The following LDAH variants were observed in gnomAD, a reference collection of about 807,000 sequenced individuals.
LDAH encodes the protein lipid droplet-associated hydrolase.
LDAH carries 26 observed loss-of-function variants against 29.6 expected under a neutral mutation model. The ratio of observed to expected loss-of-function variants is 0.88; its 90% CI spans 0.64 to 1.22. The LOEUF is 1.22. LDAH is among the 50% of genes most tolerant of loss of function. LDAH has a pLI of 0.00. For synonymous variants in LDAH, 117 were observed against 133.0 expected (o/e 0.88, Z 0.83); for missense variants, 344 against 387.3 (o/e 0.89, Z 0.94).
chr2:20,710,621 G>T (rs61645533), intron 5 of LDAH, among the ~76,000 whole-genome samples: 21,832 of 117,780 alleles, frequency 0.19, 2,138 homozygotes, highest in East Asian at 0.29. Context: ...TATATATATA[G>T]ATATATATAT....
At chr2:20,766,114 C>T (rs181673232) in intron 4 of LDAH, among the ~76,000 whole-genome samples, 5 of 151,262 alleles carry the variant, frequency 3.3e-5, no homozygotes, top group East Asian at 3.9e-4. Context: ...GATATACATT[C>T]GACATTATAA....
intron 4 of LDAH, among the ~76,000 whole-genome samples, chr2:20,752,904 T>A (rs1235898099): frequency 6.6e-6 from 1 of 152,170 alleles, no homozygotes; most frequent in Admixed American, 6.5e-5. Flanking sequence ...TTCACCAAGT[T>A]GACAGTTACA....
chr2:20,813,848 T>C (rs1276454144), intron 1 of LDAH, among the ~76,000 whole-genome samples: 1 of 152,206 alleles, frequency 6.6e-6, no homozygotes, highest in African/African-American at 2.4e-5. Context: ...GTTAGCTTTT[T>C]AGACTATCTT....
At position 20,716,720 on chromosome 2, in the gene LDAH, G is replaced by GTATATATATATA. The variant is rs1362301507; in HGVS notation, c.704-15069_704-15068insTATATATATATA. ...GTGTAGATGTACCCTAGAACTTTAA[G>GTATATATATATA]TATATATACATATATATATATATAT... On this transcript the variant is annotated intron_variant, in intron 5 of 6. Coordinates refer to ENST00000237822, the MANE Select transcript of LDAH (RefSeq NM_021925.4). 5.0e-4 allele frequency among the ~76,000 whole-genome samples: 66 copies of GTATATATATATA among 131,262 alleles called. 3 individuals are homozygous for GTATATATATATA. The highest frequency in any genetic ancestry group is 1.2e-3 in the East Asian group (5 of 4,222). The allele number at this position is 131,262 out of a possible 152,430, so 86.1% of individuals were successfully genotyped here. A position where few individuals can be genotyped will look rare whatever the true frequency, so the allele number is the denominator to read the frequency against.
chr2:20,822,840 A>T (rs903203227), intron 1 of LDAH, among the ~76,000 whole-genome samples, 197 bp downstream of exon 1: 2 of 152,212 alleles, frequency 1.3e-5, no homozygotes, highest in Admixed American at 6.5e-5. Flanking sequence ...CCTGCAACTC[A>T]AGGGACTCCC....
chr2:20,752,387 T>C (rs1287273736), intron 4 of LDAH, among the ~76,000 whole-genome samples: 1 of 152,110 alleles, frequency 6.6e-6, no homozygotes, highest in Non-Finnish European at 1.5e-5. Flanking sequence ...GAAGGGAACA[T>C]GACAGAAATA....
intron 3 of LDAH, among the ~76,000 whole-genome samples, chr2:20,785,945 T>C (rs1670518267): frequency 6.6e-6 from 1 of 152,240 alleles, no homozygotes; most frequent in Non-Finnish European, 1.5e-5. Flanking sequence ...GTTCTCAACG[T>C]AGTAATCATG....
At chr2:20,709,929 C>T (rs1664588967) in intron 5 of LDAH, among the ~76,000 whole-genome samples, 1 of 152,036 alleles carries the variant, frequency 6.6e-6, no homozygotes, top group African/African-American at 2.4e-5. Context: ...TGGGACAGGG[C>T]CAAAGCAGTA....
At chr2:20,746,999 T>C (rs1164821896) in intron 4 of LDAH, among the ~76,000 whole-genome samples, 5 of 152,162 alleles carry the variant, frequency 3.3e-5, no homozygotes, top group Admixed American at 6.6e-5. Context: ...GAAAGTATTT[T>C]GATGCTTATT....
intron 2 of LDAH, among the ~76,000 whole-genome samples, chr2:20,791,988 AT>A (rs937163618): frequency 1.3e-5 from 2 of 150,468 alleles, no homozygotes; most frequent in East Asian, 3.9e-4. Flanking sequence ...TAATTACTAC[AT>A]TTTTTTTTAA....
At position 20,747,969 on chromosome 2, in the gene LDAH, G is replaced by A. The variant is rs149269336; in HGVS notation, c.469-7764C>T. ...ACCTTTATATATACTATATATTTAC[G>A]TACAAAATAAGTTATTTGTAATTGT... On this transcript the variant is annotated intron_variant, in intron 4 of 6. Coordinates refer to ENST00000237822, the MANE Select transcript of LDAH (RefSeq NM_021925.4). 7.2e-5 allele frequency among the ~76,000 whole-genome samples: 11 copies of A among 152,078 alleles called. No homozygotes were observed. In the South Asian group the frequency reaches 1.0e-3, roughly 14 times the overall value.
intron 2 of LDAH, among the ~76,000 whole-genome samples, chr2:20,800,611 ATTTTTATT>A (rs1412969413): frequency 6.6e-6 from 1 of 151,950 alleles, no homozygotes; most frequent in Admixed American, 6.6e-5. Context: ...CTAATTTTTA[ATTTTTATT>A]TTTTTATTTT....
intron 3 of LDAH, 61 bp from the exon 4 acceptor site, chr2:20,775,040 A>G: frequency 1.4e-6 from 2 of 1,409,976 alleles, no homozygotes; most frequent in Non-Finnish European, 1.9e-6. Flanking sequence ...AAAAAGATCA[A>G]GAAAAAGATA....
intron 5 of LDAH, among the ~76,000 whole-genome samples, chr2:20,710,381 A>G (rs1434379219): frequency 6.6e-6 from 1 of 152,008 alleles, no homozygotes. Flanking sequence ...AGCTTACTCA[A>G]AAAGAAACAG....
chr2:20,731,118 T>A (rs1666370187), intron 5 of LDAH, among the ~76,000 whole-genome samples: 1 of 152,230 alleles, frequency 6.6e-6, no homozygotes, highest in South Asian at 2.1e-4. Flanking sequence ...ATGTTTAATA[T>A]GCATATCAAT....
chr2:20,711,338 T>C (rs746785155), intron 5 of LDAH, among the ~76,000 whole-genome samples: 1 of 151,252 alleles, frequency 6.6e-6, no homozygotes, highest in Non-Finnish European at 1.5e-5. Context: ...TGGGCCGAGA[T>C]TGCGCCACTG....
At chr2:20,811,163 G>A (rs866669791) in intron 1 of LDAH, among the ~76,000 whole-genome samples, 21 of 151,690 alleles carry the variant, frequency 1.4e-4, no homozygotes, top group African/African-American at 4.6e-4. Context: ...GACTACAGGC[G>A]CCCGCCACCA....
At chr2:20,801,642 C>T (rs569445315) in intron 1 of LDAH, among the ~76,000 whole-genome samples, 177 bp from the exon 2 acceptor site, 4 of 152,202 alleles carry the variant, frequency 2.6e-5, no homozygotes, top group South Asian at 2.1e-4. Flanking sequence ...TTGCAAGACA[C>T]GTAAAACAAG....
chr2:20,775,151 G>A (rs1669719792), intron 3 of LDAH, among the ~76,000 whole-genome samples, 172 bp from the exon 4 acceptor site: 1 of 152,080 alleles, frequency 6.6e-6, no homozygotes, highest in Non-Finnish European at 1.5e-5. Flanking sequence ...CAACAATTTT[G>A]GGAAGGAAAC....
Sources: gnomAD v4.1 joint callset for allele counts (sites outside exome capture counted in the v4.1 genomes callset) on GRCh38, gnomAD v4.1.1 for gene constraint, MANE v1.5 for transcripts, NCBI Gene and HGNC (gene_info 2026-07-23, HGNC 2026-07-21) for gene names.